TUBA4B: variants seen among roughly 807,000 people sequenced by gnomAD.
TUBA4B encodes the protein tubulin alpha 4b.
TUBA4B carries 13 observed loss-of-function variants against 18.4 expected under a neutral mutation model. The observed-to-expected ratio is 0.71, with a 90% CI of 0.46 to 1.12. The LOEUF (loss-of-function observed/expected upper bound fraction) is 1.12. TUBA4B is among the 50% of genes most tolerant of loss of function. The pLI, the probability that TUBA4B is intolerant of heterozygous loss-of-function variation, is 0.00. For missense variants in TUBA4B, 244 were observed against 250.0 expected (o/e 0.98, Z 0.16); for synonymous variants, 101 against 99.1 (o/e 1.02, Z -0.11).
At chr2:219,257,813 C>T (rs1427994598) in intron 1 of TUBA4B, among the ~76,000 whole-genome samples, 1 of 147,768 alleles carries the variant, frequency 6.8e-6, no homozygotes, top group Non-Finnish European at 1.5e-5. Flanking sequence ...GCGAAACTGT[C>T]TCAAAAAAAA....
Position 219,258,092 on chromosome 2 carries a change from C to T in TUBA4B, c.12+4673C>T, listed in dbSNP as rs563932641. Among the ~76,000 whole-genome samples the T allele has an allele frequency of 2.7e-5, 4 of 146,514 alleles. No individual in the cohort carries two copies. In the South Asian group the frequency reaches 8.8e-4, roughly 32 times the overall value. ...CAATGCAACCTCCACCTACCAGGTT[C>T]AAGCGATTCTGCTGCCTCAAAGTCC... On this transcript the variant is annotated intron_variant, in intron 1 of 3. Transcript: ENST00000490341.
At chr2:219,255,111 T>A (rs1011798038) in intron 1 of TUBA4B, among the ~76,000 whole-genome samples, 6 of 152,210 alleles carry the variant, frequency 3.9e-5, no homozygotes, top group African/African-American at 1.4e-4. Context: ...AGTGCAGTGG[T>A]GCAATCTCAG....
In TUBA4B at chr2:219,271,224, C is replaced by G. The variant is rs1951822748; in HGVS notation, c.251C>G (p.Thr84Ser). The change falls in exon 4 of 4, where the codon ACT becomes AGT. Residue 84 changes from threonine to serine, a missense_variant. By Grantham distance (58) the Thr-to-Ser change is moderately conservative (BLOSUM62 1). Coordinates refer to ENST00000490341, the MANE Select transcript of TUBA4B (RefSeq NM_001355221.1). The part of the protein sequence containing the change: ...FLVFHSLGRG[T>S]GSDVTSFLME... The stretch of plus-strand genomic sequence containing the variant: ...GTGTTCCACAGCCTTGGTCGGGGCA[C>G]TGGCTCTGACGTCACCTCATTCCTG... The G allele has an allele frequency of 8.3e-7, 1 of 1,211,278 alleles. No homozygotes were observed. Among genetic ancestry groups the G allele is most frequent in the Non-Finnish European group, 1.2e-6 (1 of 812,846 alleles). The allele number at this position is 1,211,278 out of a possible 1,614,324, so 75.0% of individuals were successfully genotyped here.
intron 2 of TUBA4B, among the ~76,000 whole-genome samples, chr2:219,267,018 C>T (rs1174728467): frequency 6.6e-6 from 1 of 152,200 alleles, no homozygotes; most frequent in Non-Finnish European, 1.5e-5. Context: ...TCTGGTTCCT[C>T]CCTCCACCCT....
chr2:219,253,808 AG>A, intron 1 of TUBA4B: 1 of 1,538,078 alleles, frequency 6.5e-7, no homozygotes, highest in Non-Finnish European at 8.8e-7. Flanking sequence ...CCCCCAAAGG[AG>A]AGGGGCAATT....
At chr2:219,262,555 G>A (rs1048160273) in intron 1 of TUBA4B, among the ~76,000 whole-genome samples, 9 of 152,142 alleles carry the variant, frequency 5.9e-5, no homozygotes, top group Non-Finnish European at 1.0e-4. Flanking sequence ...CACCCAGGCT[G>A]GAGTGCAAGT....
Position 219,272,113 on chromosome 2 carries a change from G to T in TUBA4B, c.*414G>T. On this transcript the variant is annotated 3_prime_UTR_variant, in exon 4 of 4. Transcript: ENST00000490341. ...GAGGTGGGCATGGATAGTGTGGAGT[G>T]GGGGGAAGAAAAGATAGGGGGGATG... 8.0e-6 allele frequency: 7 copies of T among 871,480 alleles called. No homozygotes were observed. The South Asian group carries it at 9.5e-5, about 12-fold the overall frequency. 54.0% of individuals were successfully genotyped at this position (871,480 alleles called of 1,614,324 possible).
At position 219,260,667 on chromosome 2, in the gene TUBA4B, G is replaced by C. The variant is rs150123733; in HGVS notation, c.13-5854G>C. On this transcript the variant is annotated intron_variant, in intron 1 of 3. Transcript: ENST00000490341. ...GTCTGAGTGATCATCTTCCTTCCAA[G>C]TGCTTGAGTTAAAATCTTAGGATTG... 7.5e-3 allele frequency among the ~76,000 whole-genome samples: 1,137 copies of C among 152,176 alleles called. 8 individuals are homozygous for C. Among genetic ancestry groups the C allele is most frequent in the Non-Finnish European group, 9.0e-3 (612 of 68,014 alleles).
At position 219,271,957 on chromosome 2, in the gene TUBA4B, G is replaced by T. The variant is rs546259585; in HGVS notation, c.*258G>T. ...ACAGCCATCACTATGGCCTGGGCCC[G>T]CCTGGACCACAAGTTTGACCTGATG... On this transcript the variant is annotated 3_prime_UTR_variant, in exon 4 of 4. Transcript: ENST00000490341. 6.6e-7 allele frequency: 1 copy of T among 1,521,128 alleles called. No homozygotes were observed. 94.2% of individuals were successfully genotyped at this position (1,521,128 alleles called of 1,614,324 possible).
chr2:219,266,287 T>C (rs1951789011), intron 1 of TUBA4B: 1 of 518,252 alleles, frequency 1.9e-6, no homozygotes, highest in Non-Finnish European at 3.4e-6. Context: ...GAGGCCTGGA[T>C]ACCTGTGTGG....
At position 219,271,711 on chromosome 2, in the gene TUBA4B, C is replaced by T. The variant is rs770647197; in HGVS notation, c.*12C>T. 23 of 1,612,608 alleles carry T rather than the reference C, an allele frequency of 1.4e-5. No individual in the cohort carries two copies. Among genetic ancestry groups the T allele is most frequent in the African/African-American group, 2.7e-5 (2 of 74,890 alleles). On this transcript the variant is annotated 3_prime_UTR_variant, in exon 4 of 4. Coordinates refer to ENST00000490341, the MANE Select transcript of TUBA4B (RefSeq NM_001355221.1). ...CAACCAGATGGTGAAGTGTGATCCC[C>T]GGCACGGCAAGTACATGGCCTGCTG...
chr2:219,272,054 T>A lies in TUBA4B; in HGVS notation c.*355T>A. 7.2e-7 allele frequency: 1 copy of A among 1,383,028 alleles called. No homozygotes were observed. 85.7% of individuals were successfully genotyped at this position (1,383,028 alleles called of 1,614,324 possible). On this transcript the variant is annotated 3_prime_UTR_variant, in exon 4 of 4. Transcript: ENST00000490341. Reference sequence around the variant, plus strand: ...AGGAGGGTGAGTTCTCCAAGGCCCATGAGGATATGACTGCCCTGGAGAAGG... The same window carrying A: ...AGGAGGGTGAGTTCTCCAAGGCCCAAGAGGATATGACTGCCCTGGAGAAGG...
At chr2:219,265,202 T>C (rs4672919) in intron 1 of TUBA4B, among the ~76,000 whole-genome samples, 144,843 of 152,284 alleles carry the variant, frequency 0.95, 69,317 homozygotes, top group East Asian at 1. Flanking sequence ...AATTCCAGCA[T>C]TAATTAATCC....
rs1261127691 is a variant in TUBA4B at position 219,257,985 on chromosome 2, T to G, written c.12+4566T>G. The stretch of plus-strand genomic sequence containing the variant: ...GAGTCACCTGGCCCATTTTGGGTGT[T>G]TTTTTTTTTTTTTTTTTTTTTGAGA... On this transcript the variant is annotated intron_variant, in intron 1 of 3. Transcript: ENST00000490341. 5.3e-3 allele frequency among the ~76,000 whole-genome samples: 612 copies of G among 114,958 alleles called. 6 individuals carry two copies. The highest frequency in any genetic ancestry group is 0.027 in the African/African-American group (565 of 21,144). 75.4% of individuals were successfully genotyped at this position (114,958 alleles called of 152,430 possible).
At chr2:219,267,625 C>T (rs561171849) in intron 2 of TUBA4B, among the ~76,000 whole-genome samples, 53 of 149,436 alleles carry the variant, frequency 3.5e-4, no homozygotes, top group African/African-American at 1.1e-3. Context: ...AGTGCAGTGG[C>T]GCAATCTCGG....
At chr2:219,258,147 T>C (rs1248904893) in intron 1 of TUBA4B, among the ~76,000 whole-genome samples, 1 of 151,854 alleles carries the variant, frequency 6.6e-6, no homozygotes. Flanking sequence ...GTGCACAGCA[T>C]GCCTGGCTAA....
In TUBA4B at chr2:219,272,133, G is replaced by T; in HGVS notation, c.*434G>T. ...GGAGTGGGGGGAAGAAAAGATAGGG[G>T]GGATGAATACTAGGGGAATACTGTG... On this transcript the variant is annotated 3_prime_UTR_variant, in exon 4 of 4. Transcript: ENST00000490341. 2 of 680,202 alleles carry T rather than the reference G, an allele frequency of 2.9e-6. No individual in the cohort carries two copies. The highest frequency in any genetic ancestry group is 4.5e-5 in the East Asian group (1 of 22,244). 42.1% of individuals were successfully genotyped at this position (680,202 alleles called of 1,614,324 possible).
chr2:219,259,928 TCA>T (rs1163100661), intron 1 of TUBA4B, among the ~76,000 whole-genome samples: 1 of 152,212 alleles, frequency 6.6e-6, no homozygotes, highest in African/African-American at 2.4e-5. Flanking sequence ...CAGACTTGAC[TCA>T]CATGCTCCGC....
intron 1 of TUBA4B, among the ~76,000 whole-genome samples, chr2:219,256,072 G>T (rs1559278867): frequency 6.6e-6 from 1 of 152,318 alleles, no homozygotes; most frequent in East Asian, 1.9e-4. Context: ...GCAGTAGGTT[G>T]CAGACCCTCC....
Sources: gnomAD v4.1 joint callset for allele counts (sites outside exome capture counted in the v4.1 genomes callset) on GRCh38, gnomAD v4.1.1 for gene constraint, MANE v1.5 for transcripts, NCBI Gene and HGNC (gene_info 2026-07-23, HGNC 2026-07-21) for gene names.